The following LUZP2 variants were observed in gnomAD, a reference collection of about 807,000 sequenced individuals.
LUZP2 encodes the protein leucine zipper protein 2.
In LUZP2, 52 loss-of-function variants were observed where a neutral mutation model predicts 51.6. The observed-to-expected ratio is 1.01, with a 90% CI of 0.81 to 1.27. The LOEUF (loss-of-function observed/expected upper bound fraction) is 1.27, where lower values mean the gene tolerates loss of function less well. Among genes scored for constraint, LUZP2 ranks in the 50% most tolerant of loss-of-function variants. LUZP2 has a pLI of 0.00. For synonymous variants in LUZP2, 154 were observed against 137.3 expected (o/e 1.12, Z -0.85); for missense variants, 436 against 395.4 (o/e 1.10, Z -0.87).
Position 24,832,477 on chromosome 11 carries a change from A to G in LUZP2, c.396+69169A>G, listed in dbSNP as rs1048413638. On this transcript the variant is annotated intron_variant, in intron 5 of 11. Coordinates refer to ENST00000336930, the MANE Select transcript of LUZP2 (RefSeq NM_001009909.4). ...TTTTAAAAAAAGTTGCTTTATAAAC[A>G]TAAAATATATTATTACATACCAGAA... Among the ~76,000 whole-genome samples the G allele has an allele frequency of 6.6e-5, 10 of 152,024 alleles. No homozygotes were observed. In the South Asian group the frequency reaches 8.3e-4, roughly 13 times the overall value.
At chr11:24,554,200 C>T (rs1422486522) in intron 1 of LUZP2, among the ~76,000 whole-genome samples, 1 of 152,166 alleles carries the variant, frequency 6.6e-6, no homozygotes, top group Non-Finnish European at 1.5e-5. Context: ...TAGGTAGACA[C>T]ATTCCGATTT....
At chr11:24,524,060 T>A (rs1219001411) in intron 1 of LUZP2, among the ~76,000 whole-genome samples, 1 of 151,764 alleles carries the variant, frequency 6.6e-6, no homozygotes, top group African/African-American at 2.4e-5. Context: ...GGATGCTTGA[T>A]ATGGAATAAG....
At chr11:24,959,632 C>A (rs1304912486) in intron 7 of LUZP2, among the ~76,000 whole-genome samples, 1 of 152,170 alleles carries the variant, frequency 6.6e-6, no homozygotes, top group Non-Finnish European at 1.5e-5. Flanking sequence ...AGTTGCTTAT[C>A]AACTTAAGGA....
intron 7 of LUZP2, among the ~76,000 whole-genome samples, chr11:24,975,990 A>G (rs78385845): frequency 0.086 from 13,108 of 152,008 alleles, 1,858 homozygotes; most frequent in African/African-American, 0.29. Flanking sequence ...TAAGGTGTCC[A>G]TATATTTAGT....
intron 5 of LUZP2, among the ~76,000 whole-genome samples, chr11:24,781,164 T>C (rs1259055180): frequency 6.6e-6 from 1 of 152,166 alleles, no homozygotes; most frequent in Non-Finnish European, 1.5e-5. Context: ...TATTTCATTA[T>C]ACTTTAAGTT....
intron 10 of LUZP2, among the ~76,000 whole-genome samples, chr11:25,056,724 G>T (rs1050180694): frequency 6.6e-6 from 1 of 152,068 alleles, no homozygotes; most frequent in African/African-American, 2.4e-5. Context: ...TTATTAATCC[G>T]TTGGTCAGGT....
chr11:24,672,790 C>T (rs568743343), intron 1 of LUZP2, among the ~76,000 whole-genome samples: 1 of 152,308 alleles, frequency 6.6e-6, no homozygotes, highest in African/African-American at 2.4e-5. Flanking sequence ...CTGTACAGCA[C>T]ATTGCTTTAT....
chr11:24,631,680 G>T (rs181617428), intron 1 of LUZP2, among the ~76,000 whole-genome samples: 79 of 152,014 alleles, frequency 5.2e-4, no homozygotes, highest in African/African-American at 1.9e-3. Flanking sequence ...TCCTTGTCTG[G>T]TTGGGTCTCA....
At chr11:25,053,822 T>A (rs1262891052) in intron 10 of LUZP2, among the ~76,000 whole-genome samples, 1 of 152,172 alleles carries the variant, frequency 6.6e-6, no homozygotes, top group Non-Finnish European at 1.5e-5. Flanking sequence ...GATGTAGAAT[T>A]GCTGGGTTTG....
chr11:24,588,925 A>T (rs1509595), intron 1 of LUZP2, among the ~76,000 whole-genome samples: 1 of 152,096 alleles, frequency 6.6e-6, no homozygotes, highest in Non-Finnish European at 1.5e-5. Flanking sequence ...TGACTGTTTC[A>T]TAGCCACCTT....
chr11:25,037,605 T>TA (rs1292823636), intron 9 of LUZP2, among the ~76,000 whole-genome samples: 1 of 152,174 alleles, frequency 6.6e-6, no homozygotes, highest in Non-Finnish European at 1.5e-5. Context: ...GCAGTTTTTT[T>TA]AAATCTATGT....
chr11:25,010,902 G>A (rs571547187), intron 9 of LUZP2, among the ~76,000 whole-genome samples: 1 of 152,178 alleles, frequency 6.6e-6, no homozygotes, highest in East Asian at 1.9e-4. Flanking sequence ...AGGAAGGATT[G>A]AATGAAATAA....
intron 1 of LUZP2, among the ~76,000 whole-genome samples, chr11:24,595,448 A>T (rs1186091916): frequency 6.6e-6 from 1 of 152,152 alleles, no homozygotes; most frequent in Non-Finnish European, 1.5e-5. Flanking sequence ...ACTCAAATTC[A>T]TTCTCTTCGG....
At chr11:24,602,254 GCA>G (rs1853740893) in intron 1 of LUZP2, among the ~76,000 whole-genome samples, 1 of 73,692 alleles carries the variant, frequency 1.4e-5, no homozygotes, top group Non-Finnish European at 2.6e-5. Context: ...GTATATATAT[GCA>G]AACATATATG....
chr11:24,713,944 C>A (rs574439080), intron 1 of LUZP2, among the ~76,000 whole-genome samples: 3 of 147,358 alleles, frequency 2.0e-5, no homozygotes, highest in African/African-American at 7.5e-5. Flanking sequence ...GATCTGCCCA[C>A]CTCAGCCTCC....
At chr11:24,634,398 T>A (rs1301767385) in intron 1 of LUZP2, among the ~76,000 whole-genome samples, 1 of 152,006 alleles carries the variant, frequency 6.6e-6, no homozygotes, top group Non-Finnish European at 1.5e-5. Context: ...TATCACAGAA[T>A]TGGTCCACAT....
intron 9 of LUZP2, among the ~76,000 whole-genome samples, chr11:25,041,925 C>T (rs377646219): frequency 7.2e-5 from 11 of 152,216 alleles, no homozygotes; most frequent in South Asian, 2.1e-4. Context: ...ACTGCGTGTG[C>T]GAGGGATCTG....
In LUZP2 at chr11:24,842,448, C is replaced by T. The variant is rs560364206; in HGVS notation, c.397-63543C>T. Among the ~76,000 whole-genome samples, 45 of 151,740 alleles carry T rather than the reference C, an allele frequency of 3.0e-4. No individual in the cohort carries two copies. In the South Asian group the frequency reaches 8.3e-3, roughly 28 times the overall value. On this transcript the variant is annotated intron_variant, in intron 5 of 11. Transcript: ENST00000336930. ...GAATCTAGGTATTTAATAGGTCAGT[C>T]AGGGAAAAAAAGTCTTTAGCAATGT...
intron 1 of LUZP2, among the ~76,000 whole-genome samples, chr11:24,651,977 CTCTA>C (rs916230927): frequency 2.1e-4 from 31 of 147,610 alleles, no homozygotes; most frequent in African/African-American, 5.9e-4. Context: ...CTCTCTTTCT[CTCTA>C]TCTCTCTGTG....
Sources: allele counts gnomAD v4.1 joint callset (sites outside exome capture counted in the v4.1 genomes callset), GRCh38; gene constraint gnomAD v4.1.1; transcripts MANE v1.5; gene names NCBI Gene and HGNC (gene_info 2026-07-23, HGNC 2026-07-21).